C7orf78: variants seen among roughly 807,000 people sequenced by gnomAD.
C7orf78 encodes the protein putative uncharacterized protein C7orf78.
At chr7:12,516,059 T>TG in the C7orf78 span, among the ~76,000 whole-genome samples, 1 of 152,110 alleles carries the variant, frequency 6.6e-6, no homozygotes, top group African/African-American at 2.4e-5. Context: ...CCCAAGAGAA[T>TG]GGGGAAAATG....
At chr7:12,518,948 C>A in the C7orf78 span, among the ~76,000 whole-genome samples, 1 of 151,972 alleles carries the variant, frequency 6.6e-6, no homozygotes, top group African/African-American at 2.4e-5. Context: ...GTGTGAGGAG[C>A]CTGATTTGAG....
chr7:12,541,216 T>G, the C7orf78 span: 1 of 152,202 alleles, frequency 6.6e-6, no homozygotes, highest in Non-Finnish European at 1.5e-5. Context: ...TCTGTTAATG[T>G]CCAAAGTTAA....
At chr7:12,516,298 G>C in the C7orf78 span, among the ~76,000 whole-genome samples, 444 of 152,360 alleles carry the variant, frequency 2.9e-3, 6 homozygotes, top group African/African-American at 9.9e-3. Context: ...CTTTCATATG[G>C]TGTTGAACCT....
the C7orf78 span, among the ~76,000 whole-genome samples, chr7:12,502,974 A>G: frequency 6.6e-6 from 1 of 150,988 alleles, no homozygotes; most frequent in African/African-American, 2.5e-5. Context: ...TCACTAAACT[A>G]TCGCAACAAC....
chr7:12,518,668 G>T, the C7orf78 span, among the ~76,000 whole-genome samples: 407 of 152,268 alleles, frequency 2.7e-3, 4 homozygotes, highest in African/African-American at 9.1e-3. Context: ...AAGTCCTTGG[G>T]TGGTGTGCTC....
chr7:12,532,629 G>A, the C7orf78 span, among the ~76,000 whole-genome samples: 1 of 151,708 alleles, frequency 6.6e-6, no homozygotes, highest in Non-Finnish European at 1.5e-5. Flanking sequence ...CTTAACTCCT[G>A]TACCACTATG....
the C7orf78 span, among the ~76,000 whole-genome samples, chr7:12,509,931 G>C: frequency 1.3e-5 from 2 of 151,722 alleles, no homozygotes; most frequent in African/African-American, 4.8e-5. Context: ...CTACTTTGGA[G>C]GCTGAGGCAT....
At chr7:12,521,175 C>G in the C7orf78 span, among the ~76,000 whole-genome samples, 2 of 152,156 alleles carry the variant, frequency 1.3e-5, no homozygotes, top group East Asian at 1.9e-4. Context: ...TTCAGTCAAT[C>G]TACGTTTTTT....
At chr7:12,520,721 G>C in the C7orf78 span, among the ~76,000 whole-genome samples, 4 of 152,306 alleles carry the variant, frequency 2.6e-5, no homozygotes, top group East Asian at 7.7e-4. Context: ...GGAATGTTCT[G>C]TAAACGTCTG....
At chr7:12,486,293 C>T in the C7orf78 span, among the ~76,000 whole-genome samples, 2 of 152,022 alleles carry the variant, frequency 1.3e-5, no homozygotes, top group South Asian at 2.1e-4. Context: ...TTATATAGTC[C>T]ATGTAAAGTT....
At chr7:12,515,293 GTT>G in the C7orf78 span, among the ~76,000 whole-genome samples, 1 of 152,152 alleles carries the variant, frequency 6.6e-6, no homozygotes, top group Non-Finnish European at 1.5e-5. Flanking sequence ...AGATATGATG[GTT>G]TTATCAGGAG....
chr7:12,492,801 T>C, the C7orf78 span, among the ~76,000 whole-genome samples: 1 of 152,252 alleles, frequency 6.6e-6, no homozygotes, highest in Non-Finnish European at 1.5e-5. Flanking sequence ...TTGAAAGCTC[T>C]TGCTAGATGT....
the C7orf78 span, among the ~76,000 whole-genome samples, chr7:12,486,583 CAG>C: frequency 6.6e-6 from 1 of 151,906 alleles, no homozygotes; most frequent in Non-Finnish European, 1.5e-5. Flanking sequence ...AGCCATTAAA[CAG>C]TGATTTTTTT....
At chr7:12,529,806 G>C in the C7orf78 span, among the ~76,000 whole-genome samples, 3 of 152,238 alleles carry the variant, frequency 2.0e-5, no homozygotes, top group Non-Finnish European at 4.4e-5. Flanking sequence ...GGCCTGTGGT[G>C]TTAGACGGCA....
At chr7:12,497,832 C>A in the C7orf78 span, among the ~76,000 whole-genome samples, 2 of 150,824 alleles carry the variant, frequency 1.3e-5, no homozygotes, top group African/African-American at 2.5e-5. Context: ...TTAAATGCCC[C>A]TGTCTGACAG....
chr7:12,498,231 G>A, the C7orf78 span, among the ~76,000 whole-genome samples: 2 of 152,136 alleles, frequency 1.3e-5, no homozygotes, highest in Non-Finnish European at 2.9e-5. Flanking sequence ...AAAGCTGGAT[G>A]GAGAATGACT....
At chr7:12,533,289 C>G in the C7orf78 span, among the ~76,000 whole-genome samples, 3 of 152,080 alleles carry the variant, frequency 2.0e-5, no homozygotes, top group African/African-American at 7.2e-5. Flanking sequence ...CAACTTTCAC[C>G]TCCCAGGTTC....
the C7orf78 span, chr7:12,506,864 A>G: frequency 2.2e-6 from 1 of 455,726 alleles, no homozygotes. Flanking sequence ...ATCGTAGAAA[A>G]GTCTACAGTG....
chr7:12,535,728 T>C, the C7orf78 span, among the ~76,000 whole-genome samples: 14 of 152,312 alleles, frequency 9.2e-5, no homozygotes, highest in African/African-American at 3.4e-4. Flanking sequence ...ACTTCCTAGA[T>C]ACAATGGCGG....
Sources: gnomAD v4.1 joint callset for allele counts (sites outside exome capture counted in the v4.1 genomes callset) on GRCh38, gnomAD v4.1.1 for gene constraint, MANE v1.5 for transcripts, NCBI Gene and HGNC (gene_info 2026-07-23, HGNC 2026-07-21) for gene names.